KIRREL3: variants seen among roughly 807,000 people sequenced by gnomAD.
The protein encoded by KIRREL3 is kin of IRRE-like protein 3.
KIRREL3 carries 36 observed loss-of-function variants against 89.7 expected under a neutral mutation model. The ratio of observed to expected loss-of-function variants is 0.40; its 90% confidence interval spans 0.31 to 0.53. The LOEUF is 0.53. Ranked by LOEUF, KIRREL3 falls within the 20% of genes least tolerant of loss-of-function variation. The pLI, the probability that KIRREL3 is intolerant of heterozygous loss-of-function variation, is 0.49. For missense variants in KIRREL3, 864 were observed against 1,056.6 expected (o/e 0.82, Z 2.53); for synonymous variants, 445 against 441.4 (o/e 1.01, Z -0.10).
rs1230161853 is a variant in KIRREL3 at position 126,640,358 on chromosome 11, GCGCGCACACACACGCACA to G, written c.56-77464_56-77447del. Among the ~76,000 whole-genome samples the G allele has an allele frequency of 1.3e-5, 2 of 151,974 alleles. No individual in the cohort carries two copies. The highest frequency in any genetic ancestry group is 2.1e-4 in the South Asian group (1 of 4,820). On this transcript the variant is annotated intron_variant, in intron 1 of 16. Coordinates refer to ENST00000525144, the MANE Select transcript of KIRREL3 (RefSeq NM_032531.4). The surrounding 1 kb of genome is among the most constrained non-coding windows in gnomAD (Gnocchi z 4.9). ...AACACACACACAGACGCGCGTGTGCGCGCGCACACACACGCACACGCGCACACACAGAATTAAAAGGCA... is the reference window on the plus strand; with the variant it reads ...AACACACACACAGACGCGCGTGTGCGCGCGCACACACAGAATTAAAAGGCA...
intron 1 of KIRREL3, among the ~76,000 whole-genome samples, chr11:126,691,299 ACT>A (rs1237683340): frequency 6.6e-6 from 1 of 152,092 alleles, no homozygotes; most frequent in Non-Finnish European, 1.5e-5. Context: ...GACAAGGGCA[ACT>A]CTCTCTCACG....
rs1359007478 is a variant in KIRREL3, at chr11:126,643,817, C to T, written c.56-80905G>A. Among the ~76,000 whole-genome samples, 1 of 151,834 alleles carries T rather than the reference C, an allele frequency of 6.6e-6. No individual in the cohort carries two copies. The highest frequency in any genetic ancestry group is 1.5e-5 in the Non-Finnish European group (1 of 67,990). On this transcript the variant is annotated intron_variant, in intron 1 of 16. Coordinates refer to ENST00000525144, the MANE Select transcript of KIRREL3 (RefSeq NM_032531.4). The surrounding 1 kb of genome is among the most constrained non-coding windows in gnomAD (Gnocchi z 4.5). ...GAAAAGAGTTATTATGAACTGGTGA[C>T]CAAAAAGATGAAGAGAATGAGGGGA...
At position 126,513,227 on chromosome 11, in the gene KIRREL3, G is replaced by T. The variant is rs113551991; in HGVS notation, c.433+8088C>A. Among the ~76,000 whole-genome samples the T allele has an allele frequency of 6.6e-6, 1 of 152,158 alleles. No individual in the cohort carries two copies. The highest frequency in any genetic ancestry group is 2.4e-5 in the African/African-American group (1 of 41,426). On this transcript the variant is annotated intron_variant, in intron 4 of 16. Transcript: ENST00000525144. The surrounding 1 kb of genome is among the most constrained non-coding windows in gnomAD (Gnocchi z 5.9). ...CCTAAGAACCTCCCCAGCTTCCCTT[G>T]TCCTGGTGTTGGGAGCAAAAGATGC...
intron 1 of KIRREL3, among the ~76,000 whole-genome samples, chr11:126,952,369 A>G (rs1948797931): frequency 6.6e-6 from 1 of 152,044 alleles, no homozygotes; most frequent in African/African-American, 2.4e-5. Context: ...TGGGCGAAAG[A>G]GCAAGACTGT....
In KIRREL3 at chr11:126,541,568, G is replaced by A. The variant is rs1189653888; in HGVS notation, c.134-14881C>T. ...GCTATAGCCTTGTCAGTCAGAGACG[G>A]TTCTAAAACTTCCATGTGCATGAGG... On this transcript the variant is annotated intron_variant, in intron 2 of 16. Coordinates refer to ENST00000525144, the MANE Select transcript of KIRREL3 (RefSeq NM_032531.4). This position sits in a 1 kb window ranked among gnomAD's most constrained non-coding sequence, Gnocchi z 4.8. Among the ~76,000 whole-genome samples, 1 of 152,178 alleles carries A rather than the reference G, an allele frequency of 6.6e-6. No individual in the cohort carries two copies. The highest frequency in any genetic ancestry group is 2.4e-5 in the African/African-American group (1 of 41,438).
chr11:126,895,710 GAGTGTTGCATTCCCC>G (rs1257306324), intron 1 of KIRREL3, among the ~76,000 whole-genome samples: 2 of 152,072 alleles, frequency 1.3e-5, no homozygotes, highest in Non-Finnish European at 2.9e-5. Flanking sequence ...CCCGTGCATG[GAGTGTTGCATTCCCC>G]AGCCTCTGGA....
Position 126,802,484 on chromosome 11 carries a change from G to A in KIRREL3, c.55+197971C>T, listed in dbSNP as rs1951067429. Among the ~76,000 whole-genome samples the A allele has an allele frequency of 6.6e-6, 1 of 152,186 alleles. No homozygotes were observed. The highest frequency in any genetic ancestry group is 2.1e-4 in the South Asian group (1 of 4,828). ...GTGTGGCGTCGTTCTTCTCATGTCT[G>A]CGTGGATTTTCTCTGTGTCCTCCAG... On this transcript the variant is annotated intron_variant, in intron 1 of 16. Coordinates refer to ENST00000525144, the MANE Select transcript of KIRREL3 (RefSeq NM_032531.4). The surrounding 1 kb of genome is among the most constrained non-coding windows in gnomAD (Gnocchi z 5.2).
In KIRREL3 at chr11:126,523,860, C is replaced by T. The variant is rs1238833551; in HGVS notation, c.284-2396G>A. ...TTTCTGTTGTCTTGCAAGCTATCAG[C>T]AGCAGGATTTTGCTCTCACGAGCTG... On this transcript the variant is annotated intron_variant, in intron 3 of 16. Coordinates refer to ENST00000525144, the MANE Select transcript of KIRREL3 (RefSeq NM_032531.4). This position sits in a 1 kb window ranked among gnomAD's most constrained non-coding sequence, Gnocchi z 4.9. Among the ~76,000 whole-genome samples the T allele has an allele frequency of 6.6e-6, 1 of 152,190 alleles. No homozygotes were observed. The highest frequency in any genetic ancestry group is 1.5e-5 in the Non-Finnish European group (1 of 68,020).
At chr11:126,665,654 C>T (rs528033608) in intron 1 of KIRREL3, among the ~76,000 whole-genome samples, 2 of 152,194 alleles carry the variant, frequency 1.3e-5, no homozygotes, top group Non-Finnish European at 2.9e-5. Flanking sequence ...CTGCCAGCAC[C>T]TTGATCTTGG....
intron 13 of KIRREL3, 146 bp downstream of exon 13, chr11:126,435,122 G>T: frequency 1.2e-6 from 1 of 846,338 alleles, no homozygotes. Context: ...CCACTGCTTT[G>T]TCTACACTAA....
intron 1 of KIRREL3, among the ~76,000 whole-genome samples, chr11:126,973,269 C>G (rs1465544275): frequency 6.6e-6 from 1 of 152,034 alleles, no homozygotes; most frequent in Non-Finnish European, 1.5e-5. Flanking sequence ...GATTACAGTC[C>G]CATATTGCCA....
intron 4 of KIRREL3, among the ~76,000 whole-genome samples, chr11:126,483,651 C>T (rs77778204): frequency 1.3e-5 from 2 of 152,234 alleles, no homozygotes; most frequent in South Asian, 4.1e-4. Flanking sequence ...AATTCCTCAT[C>T]ATGGGGGCCT....
At chr11:126,929,970 G>A (rs529792709) in intron 1 of KIRREL3, among the ~76,000 whole-genome samples, 67 of 145,970 alleles carry the variant, frequency 4.6e-4, no homozygotes, top group Admixed American at 1.2e-3. Context: ...CCACCTCACC[G>A]ATTCCCAAGT....
In KIRREL3 at chr11:126,896,702, C is replaced by G. The variant is rs1005166935; in HGVS notation, c.55+103753G>C. On this transcript the variant is annotated intron_variant, in intron 1 of 16. Transcript: ENST00000525144. This position sits in a 1 kb window ranked among gnomAD's most constrained non-coding sequence, Gnocchi z 4.1. ...AGGGCCGTTGCTCTTCTCAGACACCCAGGGGAGGGGTTCCATGGCCACAGC... is the reference window on the plus strand; with the variant it reads ...AGGGCCGTTGCTCTTCTCAGACACCGAGGGGAGGGGTTCCATGGCCACAGC... 4.6e-5 allele frequency among the ~76,000 whole-genome samples: 7 copies of G among 152,108 alleles called. No homozygotes were observed. Among genetic ancestry groups the G allele is most frequent in the Admixed American group, 4.6e-4 (7 of 15,276 alleles).
At chr11:126,450,566 C>CGTAT (rs1286301287) in intron 7 of KIRREL3, among the ~76,000 whole-genome samples, 1 of 114,008 alleles carries the variant, frequency 8.8e-6, no homozygotes, top group Non-Finnish European at 1.8e-5. Flanking sequence ...TGTGCATGTG[C>CGTAT]GTGTGCATGT....
chr11:126,933,349 C>T (rs1004582785), intron 1 of KIRREL3, among the ~76,000 whole-genome samples: 1 of 151,846 alleles, frequency 6.6e-6, no homozygotes, highest in African/African-American at 2.4e-5. Context: ...TGAGGGACTC[C>T]CTGGTCCCTT....
intron 1 of KIRREL3, among the ~76,000 whole-genome samples, chr11:126,911,943 A>T (rs1027552303): frequency 1.4e-5 from 2 of 140,234 alleles, no homozygotes; most frequent in African/African-American, 5.4e-5. Flanking sequence ...AGATGGCACC[A>T]CTGCACTCCA....
intron 1 of KIRREL3, among the ~76,000 whole-genome samples, chr11:126,921,388 C>T (rs1332406546): frequency 7.1e-6 from 1 of 141,708 alleles, no homozygotes; most frequent in African/African-American, 2.6e-5. Context: ...CTCATCCTGT[C>T]TTGTATCTAT....
At chr11:126,552,550 GTTTTTTTTTTTTTTT>G (rs59392843) in intron 2 of KIRREL3, among the ~76,000 whole-genome samples, 58 of 81,770 alleles carry the variant, frequency 7.1e-4, no homozygotes, top group Admixed American at 3.0e-3. Context: ...AGAGAGAAAA[GTTTTTTTTTTTTTTT>G]TTTTTTTTTT....
Sources: gnomAD v4.1 joint callset for allele counts (sites outside exome capture counted in the v4.1 genomes callset) on GRCh38, gnomAD v4.1.1 for gene constraint, Gnocchi (gnomAD v3.1) non-coding constraint, MANE v1.5 for transcripts, NCBI Gene and HGNC (gene_info 2026-07-23, HGNC 2026-07-21) for gene names.